SOS1: variants seen among roughly 807,000 people sequenced by gnomAD.
The protein encoded by SOS1 is SOS Ras/Rac guanine nucleotide exchange factor 1.
A neutral mutation model predicts 157.6 loss-of-function variants in SOS1; 25 were observed. The observed-to-expected ratio is 0.16, with a 90% confidence interval of 0.12 to 0.22. The LOEUF is 0.22. Ranked by LOEUF, SOS1 falls within the 10% of genes least tolerant of loss-of-function variation. The pLI, the probability that SOS1 is intolerant of heterozygous loss-of-function variation, is 1.00. For synonymous variants in SOS1, 528 were observed against 534.0 expected (o/e 0.99, Z 0.16); for missense variants, 1,237 against 1,599.1 (o/e 0.77, Z 3.86).
At chr2:39,008,135 G>A (rs1367153986) in intron 15 of SOS1, among the ~76,000 whole-genome samples, 2 of 152,188 alleles carry the variant, frequency 1.3e-5, no homozygotes, top group Non-Finnish European at 2.9e-5. Flanking sequence ...GTTGAGTGCA[G>A]CTGAGAAGTA....
intron 6 of SOS1, among the ~76,000 whole-genome samples, chr2:39,044,869 C>CACACAT: frequency 6.6e-6 from 1 of 151,876 alleles, no homozygotes; most frequent in South Asian, 2.1e-4. Flanking sequence ...CGCGCGCACA[C>CACACAT]ACACACACAC....
chr2:39,071,511 T>C (rs1185272393), intron 1 of SOS1, among the ~76,000 whole-genome samples: 1 of 152,220 alleles, frequency 6.6e-6, no homozygotes, highest in African/African-American at 2.4e-5. Context: ...CCAATGTTTA[T>C]AAGTTATATA....
chr2:39,103,476 G>C (rs887406499), intron 1 of SOS1, among the ~76,000 whole-genome samples: 1 of 152,110 alleles, frequency 6.6e-6, no homozygotes. Flanking sequence ...GCATAAAACT[G>C]AGCATACCAA....
At position 39,054,602 on chromosome 2, in the gene SOS1, A is replaced by G. The variant is rs1447201225; in HGVS notation, c.720+12T>C. 2 of 1,458,148 alleles carry G rather than the reference A, an allele frequency of 1.4e-6. No homozygotes were observed. Among genetic ancestry groups the G allele is most frequent in the South Asian group, 1.1e-5 (1 of 87,610 alleles). 90.3% of individuals were successfully genotyped at this position (1,458,148 alleles called of 1,614,324 possible). A position where few individuals can be genotyped will look rare whatever the true frequency, so the allele number is the denominator to read the frequency against. On this transcript the variant is annotated intron_variant, in intron 5 of 22. Coordinates refer to ENST00000402219, the MANE Select transcript of SOS1 (RefSeq NM_005633.4). ...CACATTCAATGAGAGGCATATATAC[A>G]ATGATACTTACATTAGCTGAAAACA...
chr2:39,004,355 G>A (rs542859529), intron 17 of SOS1, among the ~76,000 whole-genome samples: 5 of 133,682 alleles, frequency 3.7e-5, no homozygotes, highest in African/African-American at 8.5e-5. Flanking sequence ...GCAGTGAGCC[G>A]AGATGGCAGC....
chr2:39,046,228 T>C (rs1384328751), intron 6 of SOS1, among the ~76,000 whole-genome samples: 1 of 152,150 alleles, frequency 6.6e-6, no homozygotes, highest in East Asian at 1.9e-4. Flanking sequence ...CATTATAAGC[T>C]ACAGGTAGTA....
At chr2:39,028,874 T>C (rs1670063620) in intron 8 of SOS1, among the ~76,000 whole-genome samples, 1 of 152,216 alleles carries the variant, frequency 6.6e-6, no homozygotes. Flanking sequence ...GATTTTGGAA[T>C]GTTATTTGCA....
At chr2:39,067,591 T>C (rs753152635) in intron 2 of SOS1, 37 bp downstream of exon 2, 9 of 1,592,486 alleles carry the variant, frequency 5.7e-6, no homozygotes, top group Non-Finnish European at 7.8e-6. Context: ...ACACACAAAT[T>C]AGATATAAAG....
intron 1 of SOS1, among the ~76,000 whole-genome samples, chr2:39,099,356 C>T (rs1352544555): frequency 1.3e-5 from 2 of 152,116 alleles, no homozygotes; most frequent in Non-Finnish European, 2.9e-5. Context: ...TGAAAGACTA[C>T]ATATTATGAG....
chr2:39,023,760 G>C (rs1483551389), intron 9 of SOS1: 2 of 442,490 alleles, frequency 4.5e-6, no homozygotes, highest in Non-Finnish European at 4.1e-6. Flanking sequence ...ATTTTACTCT[G>C]TCTCTCCTTC....
At chr2:39,003,761 C>CA (rs1010422328) in intron 17 of SOS1, among the ~76,000 whole-genome samples, 34 of 149,260 alleles carry the variant, frequency 2.3e-4, no homozygotes, top group South Asian at 8.5e-4. Context: ...CAAAATTGGC[C>CA]AAAAAAAAAG....
At chr2:39,083,434 C>T (rs999901912) in intron 1 of SOS1, among the ~76,000 whole-genome samples, 2 of 152,024 alleles carry the variant, frequency 1.3e-5, no homozygotes, top group Non-Finnish European at 2.9e-5. Context: ...TGTTGCAAAA[C>T]GCAAACAGAA....
At chr2:39,049,533 T>G (rs1047789058) in intron 6 of SOS1, among the ~76,000 whole-genome samples, 1 of 152,252 alleles carries the variant, frequency 6.6e-6, no homozygotes, top group South Asian at 2.1e-4. Flanking sequence ...GTATGTCTAT[T>G]ATACAAAATC....
upstream of SOS1, among the ~76,000 whole-genome samples, chr2:39,123,477 C>T (rs940619993): frequency 7.2e-5 from 11 of 152,010 alleles, no homozygotes; most frequent in Admixed American, 6.6e-4. Context: ...CCTGCCTCAG[C>T]TTCCCGAGTA....
intron 17 of SOS1, among the ~76,000 whole-genome samples, chr2:39,004,289 G>A (rs1212998880): frequency 1.3e-5 from 2 of 151,604 alleles, no homozygotes; most frequent in Non-Finnish European, 2.9e-5. Context: ...TGTGGTGGTG[G>A]GCGCCTGTAG....
intron 5 of SOS1, among the ~76,000 whole-genome samples, chr2:39,053,822 C>A (rs1304349384): frequency 6.6e-6 from 1 of 152,090 alleles, no homozygotes; most frequent in African/African-American, 2.4e-5. Flanking sequence ...CTTTGTGCTC[C>A]CAATACTACT....
chr2:39,039,419 T>C lies in SOS1; in HGVS notation c.865-3919A>G, dbSNP rs147064148. ...ACTTAGCAGCAGTGATTTTTCCCAG[T>C]TGTCCACTTCCTTGTCAACATTTGA... On this transcript the variant is annotated intron_variant, in intron 6 of 22. Transcript: ENST00000402219. Among the ~76,000 whole-genome samples, 245 of 152,350 alleles carry C rather than the reference T, an allele frequency of 1.6e-3. 1 individual carries two copies. The East Asian group carries it at 0.019, about 12-fold the overall frequency.
intron 17 of SOS1, among the ~76,000 whole-genome samples, chr2:39,000,396 G>A (rs1669051875): frequency 6.6e-6 from 1 of 151,990 alleles, no homozygotes; most frequent in African/African-American, 2.4e-5. Context: ...ACATAAACCT[G>A]AGAATTATAT....
intron 16 of SOS1, 25 bp downstream of exon 16, chr2:39,007,006 T>A: frequency 6.5e-7 from 1 of 1,542,590 alleles, no homozygotes; most frequent in Non-Finnish European, 9.0e-7. Flanking sequence ...GAAAGTTCAT[T>A]TTAAAAACAC....
Sources: allele counts gnomAD v4.1 joint callset (sites outside exome capture counted in the v4.1 genomes callset), GRCh38; gene constraint gnomAD v4.1.1; transcripts MANE v1.5; gene names NCBI Gene and HGNC (gene_info 2026-07-23, HGNC 2026-07-21).